TUSC3: variants seen among roughly 807,000 people sequenced by gnomAD.
TUSC3 encodes the protein dolichyl-diphosphooligosaccharide--protein glycosyltransferase subunit TUSC3.
Under a neutral mutation model 44.8 loss-of-function variants are expected in TUSC3, and 45 were observed. That is an observed-to-expected ratio of 1.00 (90% CI 0.79 to 1.29). TUSC3 has a LOEUF of 1.29. Among genes scored for constraint, TUSC3 ranks in the 50% most tolerant of loss-of-function variants. The pLI is 0.00. For missense variants in TUSC3, 519 were observed against 437.9 expected (o/e 1.19, Z -1.65); for synonymous variants, 212 against 152.9 (o/e 1.39, Z -2.85).
At chr8:15,484,873 A>G (rs1252644928) in intron 2 of TUSC3, among the ~76,000 whole-genome samples, 1 of 152,252 alleles carries the variant, frequency 6.6e-6, no homozygotes, top group Non-Finnish European at 1.5e-5. Flanking sequence ...TAAGACTACT[A>G]TGTATTTTTA....
At chr8:15,445,782 C>T (rs1411808015) in intron 1 of TUSC3, among the ~76,000 whole-genome samples, 2 of 152,238 alleles carry the variant, frequency 1.3e-5, no homozygotes, top group African/African-American at 4.8e-5. Context: ...CTTTTCTATT[C>T]GACAAAACCA....
At position 15,591,447 on chromosome 8, in the gene TUSC3, A is replaced by G. The variant is rs140334622; in HGVS notation, c.139-31633A>G. Among the ~76,000 whole-genome samples the G allele has an allele frequency of 1.7e-4, 26 of 152,328 alleles. No homozygotes were observed. In the East Asian group the frequency reaches 4.1e-3, roughly 24 times the overall value. ...CCAAAATATCTGTTGGGTAGTTACT[A>G]TGCAACAGGCAATGTACAAAACTCT... On this transcript the variant is annotated intron_variant, in intron 1 of 10. Transcript: ENST00000503731.
intron 5 of TUSC3, 103 bp from the exon 6 acceptor site, chr8:15,673,644 A>T: frequency 9.9e-7 from 1 of 1,009,036 alleles, no homozygotes; most frequent in Non-Finnish European, 1.5e-6. Flanking sequence ...GAGCTGATAC[A>T]TGATTTTTAA....
the TUSC3 span, among the ~76,000 whole-genome samples, chr8:15,791,452 A>G: frequency 6.6e-6 from 1 of 152,230 alleles, no homozygotes; most frequent in East Asian, 1.9e-4. Flanking sequence ...GCTCATCTGA[A>G]TGTGTGGTTT....
intron 1 of TUSC3, among the ~76,000 whole-genome samples, chr8:15,476,154 T>G (rs985268883): frequency 5.3e-5 from 8 of 152,172 alleles, no homozygotes; most frequent in Admixed American, 3.9e-4. Context: ...TCAAATAGGT[T>G]TTATGCTGTT....
intron 1 of TUSC3, among the ~76,000 whole-genome samples, chr8:15,613,645 C>G (rs761047491): frequency 3.9e-5 from 6 of 152,154 alleles, no homozygotes; most frequent in Non-Finnish European, 8.8e-5. Context: ...GAACCTCTTT[C>G]CTTTATAAAT....
intron 1 of TUSC3, among the ~76,000 whole-genome samples, chr8:15,553,564 A>G (rs1802130130): frequency 9.9e-6 from 1 of 101,500 alleles, no homozygotes; most frequent in African/African-American, 3.5e-5. Flanking sequence ...GGAGAGGTCA[A>G]AAGTGATAAA....
chr8:15,468,596 C>T (rs1436443374), intron 1 of TUSC3, among the ~76,000 whole-genome samples: 1 of 152,044 alleles, frequency 6.6e-6, no homozygotes, highest in Non-Finnish European at 1.5e-5. Context: ...CTGATGCCCC[C>T]CTCTAATAAA....
chr8:15,794,204 A>C, the TUSC3 span, among the ~76,000 whole-genome samples: 1 of 151,574 alleles, frequency 6.6e-6, no homozygotes, highest in Non-Finnish European at 1.5e-5. Context: ...TTTGAGAAAC[A>C]CTCTCTTCTT....
At chr8:15,829,880 G>T in the TUSC3 span, among the ~76,000 whole-genome samples, 1 of 152,072 alleles carries the variant, frequency 6.6e-6, no homozygotes, top group Non-Finnish European at 1.5e-5. Flanking sequence ...ATATTGTTTT[G>T]CAGACATTGT....
downstream of TUSC3, among the ~76,000 whole-genome samples, chr8:15,769,411 G>T (rs192542668): frequency 3.9e-5 from 6 of 151,968 alleles, no homozygotes; most frequent in Non-Finnish European, 8.8e-5. Context: ...CCCTTACACC[G>T]TACACAAAAA....
At chr8:15,759,082 TGTAGA>T (rs917759662) in intron 10 of TUSC3, among the ~76,000 whole-genome samples, 3 of 152,112 alleles carry the variant, frequency 2.0e-5, no homozygotes, top group East Asian at 3.9e-4. Context: ...CACATGTGAA[TGTAGA>T]GTAGAGATTA....
intron 6 of TUSC3, among the ~76,000 whole-genome samples, chr8:15,691,528 A>G (rs1055301969): frequency 2.0e-5 from 3 of 152,134 alleles, no homozygotes; most frequent in Non-Finnish European, 4.4e-5. Flanking sequence ...TTCTCTGGCT[A>G]GGACTTAACA....
chr8:15,833,098 A>G, the TUSC3 span, among the ~76,000 whole-genome samples: 3 of 152,208 alleles, frequency 2.0e-5, no homozygotes, highest in East Asian at 5.8e-4. Context: ...ACCAACAAGC[A>G]TATAAGTAAA....
chr8:15,459,483 C>T (rs1282634521), intron 1 of TUSC3, among the ~76,000 whole-genome samples: 1 of 151,364 alleles, frequency 6.6e-6, no homozygotes, highest in Non-Finnish European at 1.5e-5. Flanking sequence ...TTTTATTTTT[C>T]CGTAGGTTAT....
intron 9 of TUSC3, among the ~76,000 whole-genome samples, chr8:15,755,675 C>G (rs1450590742): frequency 1.3e-5 from 2 of 151,442 alleles, no homozygotes; most frequent in Non-Finnish European, 2.9e-5. Flanking sequence ...GCATAACACC[C>G]AAGCAACTAC....
intron 1 of TUSC3, among the ~76,000 whole-genome samples, chr8:15,427,317 C>A (rs1409100566): frequency 6.6e-6 from 1 of 151,188 alleles, no homozygotes; most frequent in African/African-American, 2.4e-5. Flanking sequence ...GGCTCCCACA[C>A]ACGCACACAC....
chr8:15,655,028 T>A (rs896678875), intron 3 of TUSC3, among the ~76,000 whole-genome samples: 2 of 152,088 alleles, frequency 1.3e-5, no homozygotes, highest in Non-Finnish European at 2.9e-5. Context: ...GTTGGGAAGA[T>A]TAAAATAAGA....
At chr8:15,446,736 G>A (rs900769515) in intron 1 of TUSC3, among the ~76,000 whole-genome samples, 1 of 116,794 alleles carries the variant, frequency 8.6e-6, no homozygotes, top group African/African-American at 3.2e-5. Context: ...AGACAGGAGA[G>A]GGGGAGGGAG....
Sources: allele counts gnomAD v4.1 joint callset (sites outside exome capture counted in the v4.1 genomes callset), GRCh38; gene constraint gnomAD v4.1.1; transcripts MANE v1.5; gene names NCBI Gene and HGNC (gene_info 2026-07-23, HGNC 2026-07-21).